Variants in MTFR1 observed in about 807,000 individuals in gnomAD.
The protein encoded by MTFR1 is mitochondrial fission regulator 1, also known as chondrocyte protein with a poly-proline region.
Under a neutral mutation model 38.8 loss-of-function variants are expected in MTFR1, and 28 were observed. That is an observed-to-expected ratio of 0.72 (90% CI 0.53 to 0.99). MTFR1 has a LOEUF of 0.99. MTFR1 is among the 50% of genes least tolerant of loss of function. The pLI is 0.00. For missense variants in MTFR1, 358 were observed against 395.5 expected, an observed-to-expected ratio of 0.91 and a Z score of 0.81; for synonymous variants, 145 against 137.0, an observed-to-expected ratio of 1.06 and a Z score of -0.41.
chr8:65,726,626 T>C (rs918353663), intron 3 of MTFR1, among the ~76,000 whole-genome samples: 9 of 152,204 alleles, frequency 5.9e-5, no homozygotes, highest in African/African-American at 1.9e-4. Context: ...AATTGTGTAT[T>C]TGAGTAAATT....
intron 3 of MTFR1, among the ~76,000 whole-genome samples, chr8:65,766,593 G>A (rs1808797814): frequency 6.6e-6 from 1 of 152,170 alleles, no homozygotes; most frequent in Non-Finnish European, 1.5e-5. Context: ...CCACTCTATG[G>A]TCAGCCCAGC....
intron 1 of MTFR1, among the ~76,000 whole-genome samples, chr8:65,664,610 G>GC (rs1554546519): frequency 7.7e-6 from 1 of 129,786 alleles, no homozygotes. Context: ...GTTTTCCTTT[G>GC]TTTTTTTTTT....
chr8:65,687,502 C>A (rs539747490), intron 3 of MTFR1, among the ~76,000 whole-genome samples: 1 of 151,926 alleles, frequency 6.6e-6, no homozygotes, highest in Non-Finnish European at 1.5e-5. Flanking sequence ...CTCGCCACCA[C>A]GCCCGGCTAA....
intron 1 of MTFR1, among the ~76,000 whole-genome samples, chr8:65,667,807 G>C (rs1804431650): frequency 2.0e-5 from 3 of 152,096 alleles, no homozygotes; most frequent in Admixed American, 2.0e-4. Context: ...TTGTCTAATA[G>C]GATTTATGTT....
intron 2 of MTFR1, among the ~76,000 whole-genome samples, chr8:65,680,472 C>T (rs568507823): frequency 1.3e-5 from 2 of 152,134 alleles, no homozygotes; most frequent in Admixed American, 6.6e-5. Context: ...GCCCTGAACC[C>T]CACACTGACT....
At chr8:65,682,860 A>G (rs899977184) in intron 3 of MTFR1, 1 of 985,232 alleles carries the variant, frequency 1.0e-6, no homozygotes, top group Non-Finnish European at 1.2e-6. Flanking sequence ...TGGATGCCAT[A>G]TAAGTTGCTT....
At chr8:65,659,426 G>GTTT (rs35841835) in intron 1 of MTFR1, among the ~76,000 whole-genome samples, 2,413 of 133,406 alleles carry the variant, frequency 0.018, 27 homozygotes, top group African/African-American at 0.024. Context: ...CAAAGGAGAG[G>GTTT]TTTTTTTTTT....
chr8:65,644,442 T>C (rs1808891389), upstream of MTFR1, among the ~76,000 whole-genome samples: 2 of 152,154 alleles, frequency 1.3e-5, no homozygotes, highest in Non-Finnish European at 2.9e-5. Context: ...GCGGCTACAT[T>C]CAGAATGTGG....
chr8:65,745,604 T>C, intron 3 of MTFR1: 2 of 601,452 alleles, frequency 3.3e-6, no homozygotes, highest in Non-Finnish European at 5.9e-6. Flanking sequence ...CATTTTTCTT[T>C]TAATCATGAC....
chr8:65,725,770 TTAAATCTGAGAAC>T (rs1806582147), intron 3 of MTFR1, among the ~76,000 whole-genome samples: 1 of 152,174 alleles, frequency 6.6e-6, no homozygotes, highest in African/African-American at 2.4e-5. Flanking sequence ...TCCATTTTTA[TTAAATCTGAGAAC>T]TCAACAGGGT....
chr8:65,720,031 T>C (rs17304516), intron 3 of MTFR1, among the ~76,000 whole-genome samples: 16,720 of 152,298 alleles, frequency 0.11, 1,142 homozygotes, highest in Middle Eastern at 0.17. Context: ...GCAAAACTTA[T>C]GATAAGAGTC....
intron 2 of MTFR1, among the ~76,000 whole-genome samples, chr8:65,716,486 G>C (rs1176653525): frequency 6.6e-6 from 1 of 152,114 alleles, no homozygotes; most frequent in Non-Finnish European, 1.5e-5. Flanking sequence ...TCCAGGGGAA[G>C]AGGGTACCCT....
chr8:65,707,792 G>A (rs1237534718), intron 6 of MTFR1, 51 bp from the exon 7 acceptor site: 5 of 1,585,618 alleles, frequency 3.2e-6, no homozygotes, highest in African/African-American at 2.7e-5. Flanking sequence ...ACTTCCCTGA[G>A]GGTGGCCAGT....
At position 65,707,881 on chromosome 8, in the gene MTFR1, C is replaced by CT; in HGVS notation, c.804dup (p.Asp269Ter). On this transcript the variant is annotated frameshift_variant, in exon 7 of 8. Coordinates refer to ENST00000262146, the MANE Select transcript of MTFR1 (RefSeq NM_014637.4). LOFTEE classifies it high-confidence loss of function. ...GTGAAGCCCAAGCCAGTGGATGCTA[C>CT]TGACCCTGCTGCCCTCATAGCAGAG... The CT allele has an allele frequency of 6.2e-7, 1 of 1,614,190 alleles. No individual in the cohort carries two copies. The highest frequency in any genetic ancestry group is 8.5e-7 in the Non-Finnish European group (1 of 1,180,030).
At chr8:65,655,604 G>A (rs1213927937) in intron 1 of MTFR1, among the ~76,000 whole-genome samples, 5 of 152,150 alleles carry the variant, frequency 3.3e-5, no homozygotes, top group Middle Eastern at 3.4e-3. Context: ...CTGGACTGAT[G>A]TGAAGGATAG....
chr8:65,768,197 A>G (rs1808893863), intron 3 of MTFR1, among the ~76,000 whole-genome samples: 1 of 152,250 alleles, frequency 6.6e-6, no homozygotes, highest in African/African-American at 2.4e-5. Context: ...TTTCCTACAC[A>G]GTGAGCATCC....
chr8:65,771,905 AAAG>A (rs1195303968), downstream of MTFR1, among the ~76,000 whole-genome samples: 8 of 145,496 alleles, frequency 5.5e-5, no homozygotes, highest in South Asian at 2.1e-4. Flanking sequence ...AAAAAAAAAA[AAAG>A]AAGAAGAAGA....
chr8:65,698,023 A>AT (rs1226860281), intron 4 of MTFR1, among the ~76,000 whole-genome samples: 4 of 151,208 alleles, frequency 2.6e-5, no homozygotes, highest in Non-Finnish European at 4.4e-5. Flanking sequence ...TAATTTATGT[A>AT]TTTTTTTATT....
intron 6 of MTFR1, among the ~76,000 whole-genome samples, chr8:65,707,635 A>G (rs1179364638): frequency 6.6e-6 from 1 of 152,244 alleles, no homozygotes; most frequent in Non-Finnish European, 1.5e-5. Context: ...TTCTGCAGAC[A>G]TATTACATGG....
Sources: gnomAD v4.1 joint callset for allele counts (sites outside exome capture counted in the v4.1 genomes callset) on GRCh38, gnomAD v4.1.1 for gene constraint, MANE v1.5 for transcripts, NCBI Gene and HGNC (gene_info 2026-07-23, HGNC 2026-07-21) for gene names.